Variants in CFTR observed in about 807,000 individuals in gnomAD.
CFTR encodes the protein cystic fibrosis transmembrane conductance regulator.
Under a neutral mutation model 171.6 loss-of-function variants are expected in CFTR, and 181 were observed. The observed-to-expected ratio is 1.05, with a 90% CI of 0.93 to 1.19. CFTR has a LOEUF of 1.19. CFTR is among the 50% of genes most tolerant of loss of function. The pLI, the probability that CFTR is intolerant of heterozygous loss-of-function variation, is 0.00. For synonymous variants in CFTR, 583 were observed against 608.0 expected (o/e 0.96, Z 0.60); for missense variants, 1,968 against 1,734.7 (o/e 1.13, Z -2.39).
At position 117,612,010 on chromosome 7, in the gene CFTR, T is replaced by G. The variant is rs962254834; in HGVS notation, c.3367+202T>G. Among the ~76,000 whole-genome samples the G allele has an allele frequency of 8.7e-5, 5 of 57,394 alleles. No homozygotes were observed. The Admixed American group carries it at 1.0e-3, about 12-fold the overall frequency. The allele number at this position is 57,394 out of a possible 152,430, so 37.7% of individuals were successfully genotyped here. A position where few individuals can be genotyped will look rare whatever the true frequency, so the allele number is the denominator to read the frequency against. ...CAAATAATTTCCTTGAAATCGGATA[T>G]ATATATATATATGTATATATATATA... On this transcript the variant is annotated intron_variant, in intron 20 of 26. Transcript: ENST00000003084.
At chr7:117,556,512 C>CTTTTTT (rs55700428) in intron 10 of CFTR, among the ~76,000 whole-genome samples, 47 of 45,916 alleles carry the variant, frequency 1.0e-3, no homozygotes, top group African/African-American at 1.9e-3. Flanking sequence ...TGTTTCATTT[C>CTTTTTT]TTTTTTTTTT....
intron 1 of CFTR, among the ~76,000 whole-genome samples, chr7:117,495,503 A>G (rs1277620468): frequency 1.3e-5 from 2 of 152,174 alleles, no homozygotes; most frequent in African/African-American, 4.8e-5. Context: ...TTCAATGCCA[A>G]TGGTACACAT....
intron 11 of CFTR, among the ~76,000 whole-genome samples, chr7:117,563,930 G>A (rs906439877): frequency 1.3e-5 from 2 of 151,832 alleles, no homozygotes; most frequent in African/African-American, 2.4e-5. Flanking sequence ...TACATTTCTT[G>A]TATTTTAAAA....
At chr7:117,646,061 A>G (rs1792991605) in intron 23 of CFTR, among the ~76,000 whole-genome samples, 1 of 152,188 alleles carries the variant, frequency 6.6e-6, no homozygotes, top group African/African-American at 2.4e-5. Flanking sequence ...TTCCATCAGT[A>G]TCTGGATTTT....
At chr7:117,626,408 C>T (rs781269732) in intron 21 of CFTR, among the ~76,000 whole-genome samples, 1 of 151,972 alleles carries the variant, frequency 6.6e-6, no homozygotes, top group South Asian at 2.1e-4. Flanking sequence ...GAAGTCTAAA[C>T]GTTTGGTGTA....
At chr7:117,512,811 G>A (rs1798542167) in intron 3 of CFTR, among the ~76,000 whole-genome samples, 1 of 152,032 alleles carries the variant, frequency 6.6e-6, no homozygotes, top group Admixed American at 6.6e-5. Flanking sequence ...AAATTCACAA[G>A]CATTCATTCA....
intron 7 of CFTR, among the ~76,000 whole-genome samples, chr7:117,538,875 G>A (rs17449231): frequency 0.018 from 2,781 of 152,236 alleles, 39 homozygotes; most frequent in Admixed American, 0.031. Context: ...ATTGCAATCC[G>A]GGTTGGGCAC....
At chr7:117,633,614 A>G (rs1335321789) in intron 22 of CFTR, among the ~76,000 whole-genome samples, 2 of 151,618 alleles carry the variant, frequency 1.3e-5, no homozygotes, top group Non-Finnish European at 2.9e-5. Context: ...ATCATTAAGT[A>G]TGATTTTAGC....
chr7:117,516,268 A>G (rs1357376785), intron 3 of CFTR, among the ~76,000 whole-genome samples: 1 of 152,120 alleles, frequency 6.6e-6, no homozygotes, highest in East Asian at 1.9e-4. Flanking sequence ...GATCTGCTTT[A>G]TGCACTGATA....
At chr7:117,649,556 G>T (rs546250134) in intron 23 of CFTR, among the ~76,000 whole-genome samples, 1 of 145,892 alleles carries the variant, frequency 6.9e-6, no homozygotes, top group African/African-American at 2.6e-5. Context: ...ATACTAGGTT[G>T]TAATAGCTGT....
At chr7:117,493,474 G>C (rs770834297) in intron 1 of CFTR, among the ~76,000 whole-genome samples, 8 of 152,074 alleles carry the variant, frequency 5.3e-5, no homozygotes, top group Non-Finnish European at 1.0e-4. Context: ...CTCTGCCTCT[G>C]TCTTGCTCCT....
rs746003305 is a variant in CFTR, at chr7:117,535,352, T to C, written c.684T>C (p.Gly228=). 6.2e-7 allele frequency: 1 copy of C among 1,614,108 alleles called. No homozygotes were observed. Among genetic ancestry groups the C allele is most frequent in the East Asian group, 2.2e-5 (1 of 44,868 alleles). ...LLQASAFCGL[G]FLIVLALFQA... is the part of the protein sequence containing the mutation. ...AGGCGTCTGCCTTCTGTGGACTTGG[T>C]TTCCTGATAGTCCTTGCCCTTTTTC... The change falls in exon 6 of 27, where the codon GGT becomes GGC. Residue 228 remains glycine, a synonymous_variant. Transcript: ENST00000003084.
Position 117,504,244 on chromosome 7 carries a change from T to C in CFTR, c.54-9T>C, listed in dbSNP as rs1584774278. 6.5e-7 allele frequency: 1 copy of C among 1,534,412 alleles called. No individual in the cohort carries two copies. ...AAGTGAATATCTGTTCCTCCTCTCT[T>C]TATTTTAGCTGGACCAGACCAATTT... On this transcript the variant is annotated splice_polypyrimidine_tract_variant and intron_variant, in intron 1 of 26. Transcript: ENST00000003084.
intron 4 of CFTR, among the ~76,000 whole-genome samples, chr7:117,533,522 G>A (rs1028297588): frequency 2.0e-5 from 3 of 151,994 alleles, no homozygotes; most frequent in African/African-American, 7.2e-5. Context: ...ACAGTGATTT[G>A]CATTTACTAA....
chr7:117,567,176 A>G (rs755939019), intron 11 of CFTR, among the ~76,000 whole-genome samples: 3 of 152,190 alleles, frequency 2.0e-5, no homozygotes, highest in Non-Finnish European at 4.4e-5. Context: ...CCTCTTGAAG[A>G]ATTGAGATTC....
rs1792036683 is a variant in CFTR, at chr7:117,592,159, G to T, written c.1992G>T (p.Glu664Asp). 1.9e-6 allele frequency: 3 copies of T among 1,613,922 alleles called. No individual in the cohort carries two copies. The highest frequency in any genetic ancestry group is 4.5e-5 in the East Asian group (2 of 44,878). The change falls in exon 14 of 27, where the codon GAG becomes GAT. Residue 664 changes from glutamate (E) to aspartate (D), a missense_variant. Transcript: ENST00000003084. ...AAAGAAGAAATTCAATCCTAACTGA[G>T]ACCTTACACCGTTTCTCATTAGAAG... is the stretch of plus-strand genomic sequence containing the variant. ...SAERRNSILT[E>D]TLHRFSLEGD... is the part of the protein sequence containing the mutation.
At position 117,540,315 on chromosome 7, in the gene CFTR, A is replaced by T; in HGVS notation, c.1085A>T (p.Tyr362Phe). ...RQFPWAVQTWYDSLGAINKIQ... is the reference protein window; with the variant it reads ...RQFPWAVQTWFDSLGAINKIQ... The stretch of plus-strand genomic sequence containing the variant: ...TTTCCCTGGGCTGTACAAACATGGT[A>T]TGACTCTCTTGGAGCAATAAACAAA... Residue 362 changes from tyrosine (Y) to phenylalanine (F), a missense_variant, in exon 8 of 27, where the codon TAT becomes TTT. By Grantham distance (22) the Tyr-to-Phe change is conservative (BLOSUM62 3). Coordinates refer to ENST00000003084, the MANE Select transcript of CFTR (RefSeq NM_000492.4). The T allele has an allele frequency of 6.2e-7, 1 of 1,614,002 alleles. No individual in the cohort carries two copies. Among genetic ancestry groups the T allele is most frequent in the South Asian group, 1.1e-5 (1 of 91,080 alleles).
At position 117,627,770 on chromosome 7, in the gene CFTR, G is replaced by A. The variant is rs144781064; in HGVS notation, c.3717G>A (p.Arg1239=). 2 of 1,610,140 alleles carry A rather than the reference G, an allele frequency of 1.2e-6. No individual in the cohort carries two copies. Among genetic ancestry groups the A allele is most frequent in the Non-Finnish European group, 1.7e-6 (2 of 1,179,304 alleles). The change falls in exon 22 of 27, where the codon AGG becomes AGA. Residue 1239 remains arginine, a splice_region_variant and synonymous_variant. Coordinates refer to ENST00000003084, the MANE Select transcript of CFTR (RefSeq NM_000492.4). ...NISFSISPGQ[R]VGLLGRTGSG... ...CCTTCTCAATAAGTCCTGGCCAGAG[G>A]GTGAGATTTGAACACTGCTTGCTTT... is the stretch of plus-strand genomic sequence containing the variant.
rs1441216405 is a variant in CFTR, at chr7:117,645,673, T to C, written c.3873+3080T>C. Reference sequence around the variant, plus strand: ...AAAGCAACATTAACATTGTGTGAATTTGGGGTTTTTGACTAATCCCAACAT... The same window carrying C: ...AAAGCAACATTAACATTGTGTGAATCTGGGGTTTTTGACTAATCCCAACAT... On this transcript the variant is annotated intron_variant, in intron 23 of 26. Coordinates refer to ENST00000003084, the MANE Select transcript of CFTR (RefSeq NM_000492.4). Among the ~76,000 whole-genome samples, 2 of 152,008 alleles carry C rather than the reference T, an allele frequency of 1.3e-5. No individual in the cohort carries two copies. The highest frequency in any genetic ancestry group is 2.9e-5 in the Non-Finnish European group (2 of 68,022).
Sources: allele counts gnomAD v4.1 joint callset (sites outside exome capture counted in the v4.1 genomes callset), GRCh38; gene constraint gnomAD v4.1.1; transcripts MANE v1.5; gene names NCBI Gene and HGNC (gene_info 2026-07-23, HGNC 2026-07-21).